Variants in TNIP3 observed in about 807,000 individuals in gnomAD.
TNIP3 encodes the protein TNFAIP3 interacting protein 3, also known as TNFAIP3-interacting protein 3.
In TNIP3, 34 loss-of-function variants were observed where a neutral mutation model predicts 54.1. The observed-to-expected ratio is 0.63, with a 90% CI of 0.48 to 0.84. The LOEUF is 0.84. TNIP3 is among the 40% of genes least tolerant of loss of function. The pLI is 0.00. For synonymous variants in TNIP3, 134 were observed against 136.8 expected, an observed-to-expected ratio of 0.98 and a Z score of 0.14; for missense variants, 366 against 387.6, an observed-to-expected ratio of 0.94 and a Z score of 0.47.
chr4:121,180,524 C>G lies in TNIP3; in HGVS notation c.189+2152G>C, dbSNP rs117096595. 3.1e-4 allele frequency among the ~76,000 whole-genome samples: 47 copies of G among 152,234 alleles called. No homozygotes were observed. In the East Asian group the frequency reaches 4.6e-3, roughly 15 times the overall value. ...AATGCAAAATGACCATTGGATTTATCCAGATAGAGGTTATTAATGGTGTGA... is the reference window on the plus strand; with the variant it reads ...AATGCAAAATGACCATTGGATTTATGCAGATAGAGGTTATTAATGGTGTGA... On this transcript the variant is annotated intron_variant, in intron 3 of 12. Transcript: ENST00000507879.
rs556415225 is a variant in TNIP3, at chr4:121,196,901, T to G, written c.69-14105A>C. Among the ~76,000 whole-genome samples the G allele has an allele frequency of 5.3e-5, 8 of 152,206 alleles. No individual in the cohort carries two copies. The South Asian group carries it at 1.7e-3, about 32-fold the overall frequency. ...TGTTTTATATTTTATTTTTTCTGAT[T>G]AGTGTTTTATCAGTCATTAAAAAAA... On this transcript the variant is annotated intron_variant, in intron 2 of 12. Transcript: ENST00000507879.
chr4:121,157,040 G>A, intron 4 of TNIP3, 54 bp downstream of exon 4: 6 of 1,604,354 alleles, frequency 3.7e-6, no homozygotes, highest in Non-Finnish European at 5.1e-6. Context: ...AAATCCCCCC[G>A]CCCCTTTGCT....
intron 2 of TNIP3, among the ~76,000 whole-genome samples, chr4:121,203,213 T>TGA (rs1725987691): frequency 2.6e-5 from 3 of 116,114 alleles, no homozygotes; most frequent in East Asian, 5.6e-4. Flanking sequence ...AAAGAAAATG[T>TGA]GATATAGATA....
At chr4:121,188,186 C>CTCCT (rs1434165755) in intron 2 of TNIP3, among the ~76,000 whole-genome samples, 13 of 152,082 alleles carry the variant, frequency 8.5e-5, no homozygotes, top group Admixed American at 8.5e-4. Flanking sequence ...GGACAGAAAT[C>CTCCT]TCCTTCCTTC....
chr4:121,170,477 T>G, intron 3 of TNIP3, among the ~76,000 whole-genome samples: 1 of 152,352 alleles, frequency 6.6e-6, no homozygotes, highest in South Asian at 2.1e-4. Context: ...AGAGCTGGCC[T>G]GTTTCCGTGT....
At chr4:121,171,364 G>A (rs1459913459) in intron 3 of TNIP3, among the ~76,000 whole-genome samples, 1 of 152,158 alleles carries the variant, frequency 6.6e-6, no homozygotes, top group Non-Finnish European at 1.5e-5. Context: ...AAGAGGGGTG[G>A]ATAGATGGAT....
intron 2 of TNIP3, among the ~76,000 whole-genome samples, chr4:121,215,422 C>A (rs1726732704): frequency 6.6e-6 from 1 of 152,210 alleles, no homozygotes; most frequent in Non-Finnish European, 1.5e-5. Context: ...AGAATAAATT[C>A]TCAGCTATTT....
intron 2 of TNIP3, among the ~76,000 whole-genome samples, chr4:121,160,644 A>T (rs1403153903): frequency 2.0e-5 from 3 of 152,242 alleles, no homozygotes; most frequent in Non-Finnish European, 4.4e-5. Context: ...ACATTTTAGA[A>T]ACAAACTTTA....
Position 121,161,218 on chromosome 4 carries a change from T to C in TNIP3, c.67-2A>G. Reference sequence around the variant, plus strand: ...CTTTCTTGTTGATGGTTCAGCACACTTAGAAAAAAAAAAAGAGAGAAGATT... The same window carrying C: ...CTTTCTTGTTGATGGTTCAGCACACCTAGAAAAAAAAAAAGAGAGAAGATT... On this transcript the variant is annotated splice_acceptor_variant, in intron 1 of 10. Coordinates refer to ENST00000057513, the MANE Select transcript of TNIP3 (RefSeq NM_024873.6). LOFTEE classifies it high-confidence loss of function. 5.1e-6 allele frequency: 8 copies of C among 1,555,574 alleles called. No individual in the cohort carries two copies. Among genetic ancestry groups the C allele is most frequent in the Non-Finnish European group, 6.9e-6 (8 of 1,152,164 alleles).
At chr4:121,179,026 G>C (rs1271997889) in intron 3 of TNIP3, among the ~76,000 whole-genome samples, 1 of 152,176 alleles carries the variant, frequency 6.6e-6, no homozygotes, top group African/African-American at 2.4e-5. Flanking sequence ...GGACTAGAGA[G>C]GGTGAAAAGG....
At chr4:121,147,822 C>G (rs916311852) in intron 6 of TNIP3, among the ~76,000 whole-genome samples, 1 of 152,140 alleles carries the variant, frequency 6.6e-6, no homozygotes, top group Non-Finnish European at 1.5e-5. Flanking sequence ...TCTATTAAAA[C>G]TAATGCACAT....
At chr4:121,167,915 T>A (rs1202256586), upstream of TNIP3, among the ~76,000 whole-genome samples, 1 of 152,132 alleles carries the variant, frequency 6.6e-6, no homozygotes, top group African/African-American at 2.4e-5. Context: ...GCATAATAGT[T>A]ACCTCCTTCT....
At chr4:121,182,890 T>G in intron 2 of TNIP3, 1 of 1,260,480 alleles carries the variant, frequency 7.9e-7, no homozygotes, top group Non-Finnish European at 1.1e-6. Flanking sequence ...GGAGGTGTTA[T>G]TTATGTATGA....
intron 7 of TNIP3, 116 bp from the exon 8 acceptor site, chr4:121,142,892 G>T: frequency 1.3e-6 from 1 of 788,408 alleles, no homozygotes; most frequent in South Asian, 1.9e-5. Context: ...AACAAAAATA[G>T]CCACAAGTTG....
At chr4:121,185,773 A>C (rs866972243) in intron 2 of TNIP3, among the ~76,000 whole-genome samples, 2 of 152,242 alleles carry the variant, frequency 1.3e-5, no homozygotes, top group African/African-American at 4.8e-5. Context: ...ATGGACACTC[A>C]AGCTCAGCTG....
chr4:121,218,023 T>C (rs1726873266), upstream of TNIP3, among the ~76,000 whole-genome samples: 1 of 152,218 alleles, frequency 6.6e-6, no homozygotes, highest in Non-Finnish European at 1.5e-5. Context: ...CCAAACCATC[T>C]GACTCCTAGT....
intron 3 of TNIP3, among the ~76,000 whole-genome samples, chr4:121,174,440 TAAGA>T (rs1724184896): frequency 6.6e-6 from 1 of 151,348 alleles, no homozygotes; most frequent in South Asian, 2.1e-4. Flanking sequence ...ATAAAAAAAA[TAAGA>T]AAGAACATGT....
chr4:121,150,185 A>G lies in TNIP3; in HGVS notation c.527T>C (p.Phe176Ser), dbSNP rs757736250. 8.7e-6 allele frequency: 14 copies of G among 1,613,852 alleles called. No individual in the cohort carries two copies. The highest frequency in any genetic ancestry group is 1.2e-5 in the Non-Finnish European group (14 of 1,179,818). ...LQDALNIKCS[F>S]SEDCLRKSRV... ...AGACTTCCTCAAACAGTCCTCGGAA[A>G]ATGAACACTTGATATTCAAGGCATC... is the stretch of plus-strand genomic sequence containing the variant. Residue 176 changes from phenylalanine to serine, a missense_variant, in exon 6 of 11, where the codon TTT (phenylalanine) becomes TCT (serine). Phe to Ser is a radical substitution (Grantham distance 155). Coordinates refer to ENST00000057513, the MANE Select transcript of TNIP3 (RefSeq NM_024873.6).
At chr4:121,151,150 G>C (rs1729725977) in intron 5 of TNIP3, among the ~76,000 whole-genome samples, 1 of 152,122 alleles carries the variant, frequency 6.6e-6, no homozygotes, top group East Asian at 1.9e-4. Context: ...TTCTCATCCT[G>C]GTGTGGCCTC....
Sources: gnomAD v4.1 joint callset for allele counts (sites outside exome capture counted in the v4.1 genomes callset) on GRCh38, gnomAD v4.1.1 for gene constraint, MANE v1.5 for transcripts, NCBI Gene and HGNC (gene_info 2026-07-23, HGNC 2026-07-21) for gene names.